LRRC4C: variants seen among roughly 807,000 people sequenced by gnomAD.
LRRC4C encodes the protein leucine-rich repeat-containing protein 4C.
Under a neutral mutation model 33.6 loss-of-function variants are expected in LRRC4C, and 5 were observed. The observed-to-expected ratio is 0.15, with a 90% CI of 0.08 to 0.31. The LOEUF (loss-of-function observed/expected upper bound fraction) is 0.31, where lower values mean the gene tolerates loss of function less well. LRRC4C is among the 10% of genes least tolerant of loss of function. The pLI, the probability that LRRC4C is intolerant of heterozygous loss-of-function variation, is 1.00. For missense variants in LRRC4C, 560 were observed against 796.7 expected, an observed-to-expected ratio of 0.70 and a Z score of 3.58; for synonymous variants, 329 against 302.0, an observed-to-expected ratio of 1.09 and a Z score of -0.93.
chr11:41,295,347 G>T (rs774720152), intron 1 of LRRC4C, among the ~76,000 whole-genome samples: 12 of 151,850 alleles, frequency 7.9e-5, no homozygotes, highest in Non-Finnish European at 1.6e-4. Context: ...TACAATATGC[G>T]GTAAAAAAAA....
intron 1 of LRRC4C, among the ~76,000 whole-genome samples, chr11:41,423,000 T>C (rs1278137582): frequency 1.3e-5 from 2 of 152,120 alleles, no homozygotes; most frequent in Non-Finnish European, 2.9e-5. Flanking sequence ...CACTTGGCAG[T>C]TCTTAGATGC....
intron 2 of LRRC4C, among the ~76,000 whole-genome samples, chr11:40,710,813 T>C (rs1946424188): frequency 6.6e-6 from 1 of 152,212 alleles, no homozygotes; most frequent in African/African-American, 2.4e-5. Flanking sequence ...AGGTGGAGTC[T>C]ACAGAGGCAG....
At chr11:40,201,424 A>G (rs1270840675) in intron 5 of LRRC4C, among the ~76,000 whole-genome samples, 1 of 152,176 alleles carries the variant, frequency 6.6e-6, no homozygotes, top group Non-Finnish European at 1.5e-5. Context: ...TACTAGGTAC[A>G]GCAACAAACT....
chr11:40,540,970 C>T (rs1274091217), intron 3 of LRRC4C, among the ~76,000 whole-genome samples: 1 of 152,006 alleles, frequency 6.6e-6, no homozygotes, highest in Non-Finnish European at 1.5e-5. Context: ...AACATTGCTC[C>T]TGATATTTAT....
chr11:40,691,147 CA>C (rs895208609), intron 2 of LRRC4C, among the ~76,000 whole-genome samples: 16 of 151,570 alleles, frequency 1.1e-4, no homozygotes, highest in African/African-American at 3.4e-4. Context: ...TTTATAAACA[CA>C]AAAAAAGCAC....
Position 40,522,240 on chromosome 11 carries a change from G to A in LRRC4C, c.-270+125902C>T, listed in dbSNP as rs1247694612. On this transcript the variant is annotated intron_variant, in intron 3 of 6. Transcript: ENST00000528697. ...AGACGAGGTCTTGCCATGTTGGCCA[G>A]CCTGGTCTTGAACTTTTGACCTCAG... 6.6e-5 allele frequency among the ~76,000 whole-genome samples: 10 copies of A among 152,322 alleles called. No homozygotes were observed. The East Asian group carries it at 1.7e-3, about 27-fold the overall frequency.
intron 1 of LRRC4C, among the ~76,000 whole-genome samples, chr11:41,247,097 A>G (rs1474844582): frequency 6.6e-6 from 1 of 152,236 alleles, no homozygotes; most frequent in Non-Finnish European, 1.5e-5. Context: ...GCCTAATTAC[A>G]TTATGAGAAC....
At chr11:41,313,709 T>C (rs953785444) in intron 1 of LRRC4C, among the ~76,000 whole-genome samples, 3 of 152,292 alleles carry the variant, frequency 2.0e-5, no homozygotes, top group Non-Finnish European at 4.4e-5. Context: ...AAGACTACAA[T>C]AGAATTAAAG....
At chr11:40,348,066 T>A (rs750016956) in intron 3 of LRRC4C, among the ~76,000 whole-genome samples, 7 of 152,186 alleles carry the variant, frequency 4.6e-5, no homozygotes, top group Non-Finnish European at 8.8e-5. Context: ...AAATGTGTTA[T>A]ATGGGCATGG....
At chr11:40,223,095 T>C (rs551574595) in intron 5 of LRRC4C, among the ~76,000 whole-genome samples, 1 of 142,504 alleles carries the variant, frequency 7.0e-6, no homozygotes, top group African/African-American at 2.6e-5. Context: ...ACTGTGTCCA[T>C]ATTATAAAAG....
intron 2 of LRRC4C, among the ~76,000 whole-genome samples, chr11:40,927,941 A>G (rs1464293594): frequency 2.0e-5 from 3 of 152,214 alleles, no homozygotes; most frequent in South Asian, 2.1e-4. Flanking sequence ...AACATTCTTC[A>G]CTTACTTTTA....
At chr11:40,152,184 G>C (rs572727008) in intron 5 of LRRC4C, among the ~76,000 whole-genome samples, 1 of 152,176 alleles carries the variant, frequency 6.6e-6, no homozygotes, top group Non-Finnish European at 1.5e-5. Context: ...GCACACCCCC[G>C]CTGGAGAAGC....
intron 3 of LRRC4C, among the ~76,000 whole-genome samples, chr11:40,617,926 A>G (rs1014719541): frequency 2.0e-5 from 3 of 151,756 alleles, no homozygotes; most frequent in Middle Eastern, 3.4e-3. Context: ...TGAAATGAGG[A>G]ATCTGACTAT....
chr11:40,811,144 C>CTTTATT (rs1322947296), intron 2 of LRRC4C, among the ~76,000 whole-genome samples: 28 of 152,104 alleles, frequency 1.8e-4, no homozygotes, highest in East Asian at 3.9e-4. Flanking sequence ...ATTTCTCAAG[C>CTTTATT]TTTCTTTTTC....
intron 5 of LRRC4C, among the ~76,000 whole-genome samples, chr11:40,225,161 G>A (rs1192840771): frequency 1.3e-5 from 2 of 152,112 alleles, no homozygotes; most frequent in Non-Finnish European, 2.9e-5. Flanking sequence ...AATATTCCTA[G>A]AGAAACAGAC....
At chr11:41,127,759 T>C (rs893390759) in intron 1 of LRRC4C, among the ~76,000 whole-genome samples, 3 of 152,060 alleles carry the variant, frequency 2.0e-5, no homozygotes, top group Admixed American at 6.6e-5. Context: ...TATGTTGAGA[T>C]AGTGCTATTA....
At chr11:40,997,789 G>A (rs927134759) in intron 1 of LRRC4C, among the ~76,000 whole-genome samples, 6 of 152,000 alleles carry the variant, frequency 3.9e-5, no homozygotes, top group African/African-American at 1.2e-4. Context: ...GTCACCAATG[G>A]TTATAAAGAT....
chr11:40,515,071 T>A (rs2135173342), intron 3 of LRRC4C, among the ~76,000 whole-genome samples: 1 of 152,262 alleles, frequency 6.6e-6, no homozygotes, highest in East Asian at 1.9e-4. Context: ...TTGAATTTAC[T>A]CTAGATTCAG....
At chr11:40,381,876 CTT>C (rs1272044032) in intron 3 of LRRC4C, among the ~76,000 whole-genome samples, 1 of 150,034 alleles carries the variant, frequency 6.7e-6, no homozygotes, top group Non-Finnish European at 1.5e-5. Context: ...ATTCCTGACT[CTT>C]AAGCTATGAT....
Sources: allele counts gnomAD v4.1 joint callset (sites outside exome capture counted in the v4.1 genomes callset), GRCh38; gene constraint gnomAD v4.1.1; transcripts MANE v1.5; gene names NCBI Gene and HGNC (gene_info 2026-07-23, HGNC 2026-07-21).